Variants in PSEN1 observed in about 807,000 individuals in gnomAD.
PSEN1 encodes the protein presenilin-1.
In PSEN1, 15 loss-of-function variants were observed where a neutral mutation model predicts 53.5. The observed-to-expected ratio is 0.28, with a 90% CI of 0.19 to 0.43. The LOEUF (loss-of-function observed/expected upper bound fraction) is 0.43, where lower values mean the gene tolerates loss of function less well. Among genes scored for constraint, PSEN1 ranks in the 20% least tolerant of loss-of-function variants. PSEN1 has a pLI of 1.00. For synonymous variants in PSEN1, 208 were observed against 209.8 expected (o/e 0.99, Z 0.08); for missense variants, 387 against 571.2 (o/e 0.68, Z 3.29).
rs758759034 is a variant in PSEN1, at chr14:73,192,908, A to G, written c.769+44A>G. ...AATTTGTTTGTCACAGGAATGCCCC[A>G]CTGGAGTGTTTTCTTTCCTCATCTC... On this transcript the variant is annotated intron_variant, in intron 7 of 11. Transcript: ENST00000324501. 6.2e-6 allele frequency: 9 copies of G among 1,445,432 alleles called. No homozygotes were observed. In the African/African-American group the frequency reaches 1.3e-4, roughly 20 times the overall value. The allele number at this position is 1,445,432 out of a possible 1,614,324, so 89.5% of individuals were successfully genotyped here. A position where few individuals can be genotyped will look rare whatever the true frequency, so the allele number is the denominator to read the frequency against.
intron 8 of PSEN1, among the ~76,000 whole-genome samples, chr14:73,202,418 CTATATATATATATATATATATATATA>C (rs1248311168): frequency 0.061 from 1,668 of 27,224 alleles, 64 homozygotes; most frequent in Middle Eastern, 0.12. Context: ...CTATCACATA[CTATATATATATATATATATATATATA>C]TATATATATA....
At chr14:73,216,994 G>A (rs753239924) in intron 10 of PSEN1, 132 bp from the exon 11 acceptor site, 1 of 1,013,134 alleles carries the variant, frequency 9.9e-7, no homozygotes, top group Non-Finnish European at 1.5e-6. Flanking sequence ...CACAGCTGAA[G>A]CCTAATTTTG....
chr14:73,188,981 G>C (rs1256790442), intron 6 of PSEN1, among the ~76,000 whole-genome samples: 1 of 151,916 alleles, frequency 6.6e-6, no homozygotes, highest in Non-Finnish European at 1.5e-5. Flanking sequence ...AGTAGAGCAG[G>C]GGTTTCACCA....
chr14:73,218,989 T>C (rs1900040960), intron 11 of PSEN1, 145 bp from the exon 12 acceptor site: 2 of 867,848 alleles, frequency 2.3e-6, no homozygotes, highest in East Asian at 2.4e-5. Flanking sequence ...TTCTTCCAGA[T>C]TGAATGAACG....
intron 9 of PSEN1, among the ~76,000 whole-genome samples, chr14:73,206,727 G>A (rs187635823): frequency 3.9e-5 from 6 of 152,180 alleles, no homozygotes; most frequent in Admixed American, 3.9e-4. Flanking sequence ...AAAGGTTCAG[G>A]CTGAGGTTAT....
intron 7 of PSEN1, among the ~76,000 whole-genome samples, chr14:73,195,232 G>A (rs1898891628): frequency 6.6e-6 from 1 of 152,130 alleles, no homozygotes; most frequent in South Asian, 2.1e-4. Context: ...GAGTGCAGTG[G>A]CGTGATCTCA....
intron 8 of PSEN1, among the ~76,000 whole-genome samples, chr14:73,201,633 A>G (rs1028640820): frequency 6.6e-6 from 1 of 152,210 alleles, no homozygotes; most frequent in Non-Finnish European, 1.5e-5. Flanking sequence ...GGTATAGTAA[A>G]TGTCATGTAC....
At chr14:73,154,077 A>C (rs980185218) in intron 3 of PSEN1, among the ~76,000 whole-genome samples, 3 of 152,164 alleles carry the variant, frequency 2.0e-5, no homozygotes, top group African/African-American at 7.2e-5. Flanking sequence ...TCAGACTATA[A>C]ATATATCAGC....
At chr14:73,173,795 A>G in intron 5 of PSEN1, 88 bp downstream of exon 5, 2 of 1,437,556 alleles carry the variant, frequency 1.4e-6, no homozygotes, top group Non-Finnish European at 2.0e-6. Flanking sequence ...GATCTAGGAA[A>G]GAAAAAATGT....
At chr14:73,140,821 A>G (rs1291192237) in intron 1 of PSEN1, among the ~76,000 whole-genome samples, 1 of 152,208 alleles carries the variant, frequency 6.6e-6, no homozygotes, top group African/African-American at 2.4e-5. Flanking sequence ...CATTATTTAA[A>G]AACAAGTTGC....
chr14:73,192,564 G>A, intron 6 of PSEN1, 80 bp from the exon 7 acceptor site: 1 of 972,258 alleles, frequency 1.0e-6, no homozygotes, highest in Non-Finnish European at 1.7e-6. Context: ...TCTAATGTTT[G>A]GGAGCCATCA....
At chr14:73,197,315 G>C (rs946325573) in intron 7 of PSEN1, among the ~76,000 whole-genome samples, 1 of 152,180 alleles carries the variant, frequency 6.6e-6, no homozygotes, top group Non-Finnish European at 1.5e-5. Flanking sequence ...GGAATAACAG[G>C]CATGTTGTTT....
chr14:73,202,261 A>G (rs1034429346), intron 8 of PSEN1, among the ~76,000 whole-genome samples: 1 of 149,810 alleles, frequency 6.7e-6, no homozygotes, highest in East Asian at 2.0e-4. Context: ...AGAAGGGAAA[A>G]TACATTCTAC....
intron 5 of PSEN1, among the ~76,000 whole-genome samples, chr14:73,183,504 C>A (rs972039281): frequency 6.6e-6 from 1 of 151,980 alleles, no homozygotes; most frequent in East Asian, 1.9e-4. Context: ...TGACTCTTAA[C>A]GAGCATGCTG....
intron 7 of PSEN1, among the ~76,000 whole-genome samples, chr14:73,194,334 C>T (rs1444321441): frequency 6.6e-6 from 1 of 151,928 alleles, no homozygotes; most frequent in Non-Finnish European, 1.5e-5. Context: ...TTACTGCAGC[C>T]TCAAACCCTT....
chr14:73,150,439 CGT>C (rs1897184072), intron 3 of PSEN1, among the ~76,000 whole-genome samples: 1 of 152,056 alleles, frequency 6.6e-6, no homozygotes, highest in Non-Finnish European at 1.5e-5. Flanking sequence ...GTACATAAAT[CGT>C]ATCGCATTAT....
chr14:73,183,441 G>GCGGCCTTC (rs1293526850), intron 5 of PSEN1, among the ~76,000 whole-genome samples: 1 of 152,070 alleles, frequency 6.6e-6, no homozygotes, highest in African/African-American at 2.4e-5. Context: ...AGAGGACCCT[G>GCGGCCTTC]CGGCCTTCCG....
At chr14:73,167,511 C>G (rs1897751444) in intron 3 of PSEN1, among the ~76,000 whole-genome samples, 1 of 152,190 alleles carries the variant, frequency 6.6e-6, no homozygotes, top group Non-Finnish European at 1.5e-5. Context: ...GCAGAGTCCT[C>G]ATGACCCAGT....
chr14:73,147,985 T>C lies in PSEN1; in HGVS notation c.-35T>C. On this transcript the variant is annotated 5_prime_UTR_variant, in exon 3 of 12. Coordinates refer to ENST00000324501, the MANE Select transcript of PSEN1 (RefSeq NM_000021.4). ...TTTTCAGAACCTCAAGAGGCTTTGT[T>C]TTCTGTGAAACAGTATTTCTATACA... 1 of 1,549,990 alleles carries C rather than the reference T, an allele frequency of 6.5e-7. No individual in the cohort carries two copies. Among genetic ancestry groups the C allele is most frequent in the African/African-American group, 1.4e-5 (1 of 73,650 alleles).
Sources: gnomAD v4.1 joint callset for allele counts (sites outside exome capture counted in the v4.1 genomes callset) on GRCh38, gnomAD v4.1.1 for gene constraint, MANE v1.5 for transcripts, NCBI Gene and HGNC (gene_info 2026-07-23, HGNC 2026-07-21) for gene names.